The following FHIT variants were observed in gnomAD, a reference collection of about 807,000 sequenced individuals.
FHIT encodes the protein fragile histidine triad diadenosine triphosphatase.
FHIT carries 19 observed loss-of-function variants against 17.9 expected under a neutral mutation model. The ratio of observed to expected loss-of-function variants is 1.06; its 90% CI spans 0.74 to 1.56. The LOEUF is 1.56. FHIT is among the 40% of genes most tolerant of loss of function. The probability of loss-of-function intolerance (pLI) is 0.00; values close to 1 mark genes in which losing one functional copy is unlikely to be tolerated. For missense variants in FHIT, 248 were observed against 189.2 expected (o/e 1.31, Z -1.82); for synonymous variants, 81 against 69.7 (o/e 1.16, Z -0.81).
intron 2 of FHIT, among the ~76,000 whole-genome samples, chr3:61,107,926 T>C (rs544245635): frequency 3.5e-4 from 53 of 152,302 alleles, no homozygotes; most frequent in African/African-American, 1.2e-3. Flanking sequence ...AAGTCAGTGA[T>C]TGGCACAAGG....
chr3:60,746,910 A>G (rs982154885), intron 4 of FHIT, among the ~76,000 whole-genome samples: 1 of 152,138 alleles, frequency 6.6e-6, no homozygotes, highest in Non-Finnish European at 1.5e-5. Flanking sequence ...CCTTGACTGT[A>G]ATGCTCCAAG....
intron 5 of FHIT, among the ~76,000 whole-genome samples, chr3:60,241,650 G>A (rs1256260968): frequency 6.6e-6 from 1 of 152,058 alleles, no homozygotes; most frequent in Non-Finnish European, 1.5e-5. Context: ...AAATGTCAGG[G>A]AATTGCCTGG....
intron 4 of FHIT, chr3:60,730,396 T>A (rs1553710820): frequency 4.2e-6 from 1 of 239,764 alleles, no homozygotes; most frequent in African/African-American, 2.3e-5. Flanking sequence ...ATTTGTTCCA[T>A]CCATGTGAGC....
intron 7 of FHIT, among the ~76,000 whole-genome samples, chr3:59,939,231 G>A (rs1706390633): frequency 6.6e-6 from 1 of 152,116 alleles, no homozygotes; most frequent in South Asian, 2.1e-4. Context: ...TGAGGCCCTT[G>A]ATTTATGCTG....
intron 5 of FHIT, among the ~76,000 whole-genome samples, chr3:60,265,146 G>C (rs571599028): frequency 6.6e-6 from 1 of 151,894 alleles, no homozygotes; most frequent in African/African-American, 2.4e-5. Flanking sequence ...CTTGGTTGAA[G>C]CATATCTATT....
At chr3:60,512,830 C>G (rs1159294753) in intron 5 of FHIT, among the ~76,000 whole-genome samples, 1 of 152,086 alleles carries the variant, frequency 6.6e-6, no homozygotes, top group Non-Finnish European at 1.5e-5. Context: ...AATTTAATGT[C>G]ATGAATATCC....
chr3:60,001,534 G>A (rs1699728827), intron 7 of FHIT, among the ~76,000 whole-genome samples: 2 of 152,138 alleles, frequency 1.3e-5, no homozygotes, highest in South Asian at 4.1e-4. Flanking sequence ...TTGGTAGTGA[G>A]GAAATCGAGA....
intron 3 of FHIT, among the ~76,000 whole-genome samples, chr3:60,914,075 T>A (rs745701145): frequency 6.6e-6 from 1 of 152,206 alleles, no homozygotes; most frequent in East Asian, 1.9e-4. Flanking sequence ...AAGGATTTGT[T>A]AGCAACAGTT....
At chr3:60,103,544 G>A (rs1704280974) in intron 5 of FHIT, among the ~76,000 whole-genome samples, 1 of 152,132 alleles carries the variant, frequency 6.6e-6, no homozygotes, top group South Asian at 2.1e-4. Context: ...CTATATGAAT[G>A]TAAAACAAGT....
chr3:60,798,291 T>C (rs1701060958), intron 4 of FHIT, among the ~76,000 whole-genome samples: 1 of 151,956 alleles, frequency 6.6e-6, no homozygotes, highest in African/African-American at 2.4e-5. Context: ...TGAGAAAAAA[T>C]AACTTAATTG....
intron 2 of FHIT, among the ~76,000 whole-genome samples, chr3:61,079,625 G>A (rs528782289): frequency 8.5e-5 from 13 of 152,204 alleles, no homozygotes; most frequent in African/African-American, 3.1e-4. Flanking sequence ...TTTATTTGAT[G>A]GTATGAAAGA....
rs1040919207 is a variant in FHIT at position 60,589,559 on chromosome 3, T to C, written c.-17-52580A>G. On this transcript the variant is annotated intron_variant, in intron 4 of 9. Coordinates refer to ENST00000492590, the MANE Select transcript of FHIT (RefSeq NM_002012.4). ...TCTAATCCTTTGCTAATAGAAATGA[T>C]GCTATAAGGAACACTCTTCTTCATA... Among the ~76,000 whole-genome samples, 3 of 152,102 alleles carry C rather than the reference T, an allele frequency of 2.0e-5. No homozygotes were observed. The East Asian group carries it at 5.8e-4, about 29-fold the overall frequency.
chr3:60,626,889 G>GT (rs2039304391), intron 4 of FHIT, among the ~76,000 whole-genome samples: 2 of 147,310 alleles, frequency 1.4e-5, no homozygotes, highest in African/African-American at 5.0e-5. Flanking sequence ...TTCCTTGAGT[G>GT]TTTTTATCAT....
At chr3:60,341,092 C>G (rs1391407079) in intron 5 of FHIT, among the ~76,000 whole-genome samples, 1 of 152,148 alleles carries the variant, frequency 6.6e-6, no homozygotes, top group Non-Finnish European at 1.5e-5. Context: ...TGCAGATCCA[C>G]AGAGCCAAAT....
At chr3:60,649,884 C>T (rs555898112) in intron 4 of FHIT, among the ~76,000 whole-genome samples, 41 of 152,238 alleles carry the variant, frequency 2.7e-4, no homozygotes, top group Non-Finnish European at 5.3e-4. Context: ...GCAAAGCAGA[C>T]GTCAACCAGG....
chr3:60,346,383 A>C (rs1193825303), intron 5 of FHIT, among the ~76,000 whole-genome samples: 1 of 152,182 alleles, frequency 6.6e-6, no homozygotes, highest in Non-Finnish European at 1.5e-5. Context: ...AAATAATGCT[A>C]ATAATGACAG....
chr3:61,206,565 A>C (rs1251635936), intron 1 of FHIT, among the ~76,000 whole-genome samples: 1 of 151,578 alleles, frequency 6.6e-6, no homozygotes, highest in African/African-American at 2.4e-5. Flanking sequence ...TAGGTATTTT[A>C]TTCTCTTTGA....
At position 60,860,162 on chromosome 3, in the gene FHIT, C is replaced by CTGATATATGATATATATATGATAT. The variant is rs1559778113; in HGVS notation, c.-110-38152_-110-38151insATATCATATATATATCATATATCA. Among the ~76,000 whole-genome samples, 17 of 74,344 alleles carry CTGATATATGATATATATATGATAT rather than the reference C, an allele frequency of 2.3e-4. 2 individuals are homozygous for CTGATATATGATATATATATGATAT. The highest frequency in any genetic ancestry group is 1.2e-3 in the African/African-American group (16 of 12,976). 48.8% of individuals were successfully genotyped at this position (74,344 alleles called of 152,430 possible). On this transcript the variant is annotated intron_variant, in intron 3 of 9. Coordinates refer to ENST00000492590, the MANE Select transcript of FHIT (RefSeq NM_002012.4). ...ATATACATATGGTATATATGATATA[C>CTGATATATGATATATATATGATAT]ATCATATGTATATATGGTATACATG...
chr3:60,567,283 C>T (rs1038877754), intron 4 of FHIT, among the ~76,000 whole-genome samples: 11 of 152,026 alleles, frequency 7.2e-5, no homozygotes, highest in South Asian at 2.1e-4. Flanking sequence ...TGGAACAGAA[C>T]AGAGCCCTCA....
Sources: gnomAD v4.1 joint callset for allele counts (sites outside exome capture counted in the v4.1 genomes callset) on GRCh38, gnomAD v4.1.1 for gene constraint, MANE v1.5 for transcripts, NCBI Gene and HGNC (gene_info 2026-07-23, HGNC 2026-07-21) for gene names.